Variants in PACRG observed in about 807,000 individuals in gnomAD.
PACRG encodes parkin coregulated.
PACRG carries 29 observed loss-of-function variants against 29.7 expected under a neutral mutation model. That is an observed-to-expected ratio of 0.98 (90% confidence interval 0.73 to 1.33). The LOEUF (loss-of-function observed/expected upper bound fraction) is 1.33. PACRG is among the 40% of genes most tolerant of loss of function. The pLI, the probability that PACRG is intolerant of heterozygous loss-of-function variation, is 0.00. For missense variants in PACRG, 279 were observed against 316.2 expected (o/e 0.88, Z 0.89); for synonymous variants, 116 against 118.7 (o/e 0.98, Z 0.15).
chr6:162,982,048 C>G (rs1002003823), intron 2 of PACRG, among the ~76,000 whole-genome samples: 1 of 151,172 alleles, frequency 6.6e-6, no homozygotes, highest in African/African-American at 2.4e-5. Flanking sequence ...AGGAATTTAT[C>G]TATCTCCTCC....
chr6:163,074,019 C>T (rs1459314759), intron 3 of PACRG, among the ~76,000 whole-genome samples: 2 of 152,048 alleles, frequency 1.3e-5, no homozygotes, highest in East Asian at 3.9e-4. Context: ...TTGGAGGTTC[C>T]TCAAAAAACT....
intron 4 of PACRG, among the ~76,000 whole-genome samples, chr6:163,233,520 A>G (rs189681042): frequency 1.3e-3 from 196 of 152,376 alleles, no homozygotes; most frequent in Non-Finnish European, 1.9e-3. Flanking sequence ...ACTGCCATGC[A>G]TTTCACTGTG....
chr6:163,176,491 A>G (rs1307116377), intron 4 of PACRG, among the ~76,000 whole-genome samples: 2 of 152,214 alleles, frequency 1.3e-5, no homozygotes, highest in Non-Finnish European at 2.9e-5. Context: ...TGTTTACTCA[A>G]ATATTTATTG....
chr6:162,838,003 T>C (rs561956477), intron 2 of PACRG, among the ~76,000 whole-genome samples: 222 of 152,222 alleles, frequency 1.5e-3, no homozygotes, highest in African/African-American at 5.1e-3. Context: ...TTAGAAAAAT[T>C]AGATAATATA....
chr6:163,221,429 C>A (rs1009868630), intron 4 of PACRG, among the ~76,000 whole-genome samples: 1 of 152,202 alleles, frequency 6.6e-6, no homozygotes, highest in South Asian at 2.1e-4. Flanking sequence ...TTGCCTACAC[C>A]TCACTGTGAC....
chr6:163,294,459 C>T (rs1424347116), intron 4 of PACRG, among the ~76,000 whole-genome samples: 1 of 152,068 alleles, frequency 6.6e-6, no homozygotes, highest in African/African-American at 2.4e-5. Context: ...CAATAAAGGT[C>T]AGGTGGTCAA....
chr6:163,186,368 C>G (rs1317412268), intron 4 of PACRG, among the ~76,000 whole-genome samples: 2 of 152,162 alleles, frequency 1.3e-5, no homozygotes, highest in Admixed American at 1.3e-4. Flanking sequence ...CGTGTGCCCC[C>G]TTCAACACAC....
intron 2 of PACRG, among the ~76,000 whole-genome samples, chr6:162,874,848 A>G (rs938916940): frequency 3.9e-5 from 6 of 152,026 alleles, no homozygotes; most frequent in African/African-American, 9.7e-5. Flanking sequence ...TCACATTCAC[A>G]TCATTCACAC....
At chr6:163,288,437 A>C (rs923396109) in intron 4 of PACRG, among the ~76,000 whole-genome samples, 1 of 152,162 alleles carries the variant, frequency 6.6e-6, no homozygotes, top group Admixed American at 6.5e-5. Flanking sequence ...TGATTTCCTC[A>C]TCTGAAAAAC....
intron 1 of PACRG, among the ~76,000 whole-genome samples, chr6:162,797,953 T>C (rs761321943): frequency 2.0e-5 from 3 of 152,230 alleles, no homozygotes; most frequent in Non-Finnish European, 4.4e-5. Flanking sequence ...AAGTGAGGGA[T>C]TCACCAAGTT....
At chr6:163,168,558 AAAC>A (rs10684097) in intron 4 of PACRG, among the ~76,000 whole-genome samples, 2 of 151,682 alleles carry the variant, frequency 1.3e-5, no homozygotes, top group East Asian at 1.9e-4. Flanking sequence ...TATTCTAATA[AAAC>A]AACAACAAGA....
intron 2 of PACRG, among the ~76,000 whole-genome samples, chr6:163,031,564 A>C (rs540292512): frequency 1.2e-4 from 19 of 152,380 alleles, no homozygotes; most frequent in African/African-American, 4.6e-4. Flanking sequence ...ATTTTTACTA[A>C]AGACAAATCA....
At chr6:163,078,576 T>C (rs530435836) in intron 3 of PACRG, among the ~76,000 whole-genome samples, 4 of 152,258 alleles carry the variant, frequency 2.6e-5, no homozygotes, top group East Asian at 1.9e-4. Flanking sequence ...TGAGCTAATA[T>C]GTAAGGTTAT....
chr6:163,179,394 T>TAA lies in PACRG; in HGVS notation c.613+90003_613+90004dup, dbSNP rs5881511. 592 of 216,388 alleles carry TAA rather than the reference T, an allele frequency of 2.7e-3. 4 individuals carry two copies. Among genetic ancestry groups the TAA allele is most frequent in the African/African-American group, 9.0e-3 (365 of 40,768 alleles). The allele number at this position is 216,388 out of a possible 1,614,324, so 13.4% of individuals were successfully genotyped here. On this transcript the variant is annotated intron_variant, in intron 4 of 4. Transcript: ENST00000366888. The stretch of plus-strand genomic sequence containing the variant: ...CCTACTCATTTGGTGTTCTTTAAAT[T>TAA]AAAAAAAAAAAAAAAAAACTTCTGG...
At chr6:163,047,939 T>G (rs1809571277) in intron 2 of PACRG, among the ~76,000 whole-genome samples, 5 of 152,226 alleles carry the variant, frequency 3.3e-5, no homozygotes, top group Admixed American at 3.3e-4. Context: ...TATCTTAAAG[T>G]GTTTGTTTTA....
chr6:163,174,306 A>G (rs1779238941), intron 4 of PACRG, among the ~76,000 whole-genome samples: 1 of 152,212 alleles, frequency 6.6e-6, no homozygotes, highest in Non-Finnish European at 1.5e-5. Flanking sequence ...CCTGGGCTGT[A>G]TGCAGCCCAT....
intron 4 of PACRG, among the ~76,000 whole-genome samples, chr6:163,104,375 G>C (rs1347872943): frequency 6.6e-6 from 1 of 152,114 alleles, no homozygotes; most frequent in East Asian, 1.9e-4. Flanking sequence ...GATAAAATCT[G>C]TGTATGTAGC....
chr6:163,112,380 C>A lies in PACRG; in HGVS notation c.613+22972C>A, dbSNP rs571059381. 4.6e-5 allele frequency among the ~76,000 whole-genome samples: 7 copies of A among 152,250 alleles called. No homozygotes were observed. The South Asian group carries it at 8.3e-4, about 18-fold the overall frequency. Reference sequence around the variant, plus strand: ...TGGGAGCCAGTGCAGGTGAAAAGGACCCTTTCCTCCAAAACTTGGGGACCT... The same window carrying A: ...TGGGAGCCAGTGCAGGTGAAAAGGAACCTTTCCTCCAAAACTTGGGGACCT... On this transcript the variant is annotated intron_variant, in intron 4 of 4. Transcript: ENST00000366888.
chr6:163,237,644 T>A (rs1782306074), intron 4 of PACRG, among the ~76,000 whole-genome samples: 2 of 152,194 alleles, frequency 1.3e-5, no homozygotes, highest in Admixed American at 1.3e-4. Context: ...TAAGGCCACA[T>A]TTCTGTTCTC....
Sources: gnomAD v4.1 joint callset for allele counts (sites outside exome capture counted in the v4.1 genomes callset) on GRCh38, gnomAD v4.1.1 for gene constraint, MANE v1.5 for transcripts, NCBI Gene and HGNC (gene_info 2026-07-23, HGNC 2026-07-21) for gene names.